Variants in GPHN observed in about 807,000 individuals in gnomAD.
The protein encoded by GPHN is gephyrin.
A neutral mutation model predicts 95.5 loss-of-function variants in GPHN; 17 were observed. The ratio of observed to expected loss-of-function variants is 0.18; its 90% confidence interval spans 0.12 to 0.27. The LOEUF (loss-of-function observed/expected upper bound fraction) is 0.27, where lower values mean the gene tolerates loss of function less well. Ranked by LOEUF, GPHN falls within the 10% of genes least tolerant of loss-of-function variation. The pLI, the probability that GPHN is intolerant of heterozygous loss-of-function variation, is 1.00. For synonymous variants in GPHN, 320 were observed against 322.5 expected, an observed-to-expected ratio of 0.99 and a Z score of 0.08; for missense variants, 660 against 978.1, an observed-to-expected ratio of 0.67 and a Z score of 4.34.
intron 9 of GPHN, among the ~76,000 whole-genome samples, chr14:67,011,846 A>ATATATATATT (rs1428533960): frequency 3.4e-4 from 52 of 152,178 alleles, no homozygotes; most frequent in Non-Finnish European, 7.2e-4. Context: ...ATATATATAT[A>ATATATATATT]TGATCACTTC....
chr14:66,645,474 G>T (rs1049258092), intron 1 of GPHN, among the ~76,000 whole-genome samples: 1 of 151,886 alleles, frequency 6.6e-6, no homozygotes. Context: ...ATTACCTGAG[G>T]TAAGGAGTTC....
At chr14:66,575,141 G>C (rs2060853795) in intron 1 of GPHN, among the ~76,000 whole-genome samples, 1 of 152,192 alleles carries the variant, frequency 6.6e-6, no homozygotes, top group African/African-American at 2.4e-5. Context: ...CAAAGCTTCT[G>C]TTTGTCTGAG....
chr14:66,882,972 C>A lies in GPHN; in HGVS notation c.389+2939C>A, dbSNP rs542562998. ...TCCTTATGTGTAATGGCAAATTTCTCTGGCTGCTTTGAAGATATTTTTTCT... is the reference window on the plus strand; with the variant it reads ...TCCTTATGTGTAATGGCAAATTTCTATGGCTGCTTTGAAGATATTTTTTCT... On this transcript the variant is annotated intron_variant, in intron 5 of 22. Transcript: ENST00000478722. Among the ~76,000 whole-genome samples the A allele has an allele frequency of 6.6e-5, 10 of 151,718 alleles. No individual in the cohort carries two copies. The South Asian group carries it at 1.5e-3, about 22-fold the overall frequency.
the GPHN span, chr14:67,660,214 T>G: frequency 9.2e-6 from 2 of 216,556 alleles, no homozygotes; most frequent in Admixed American, 1.1e-4. Context: ...CTCCATTTAA[T>G]CCTCACAACA....
intron 10 of GPHN, among the ~76,000 whole-genome samples, chr14:67,044,324 C>T (rs527535277): frequency 6.6e-6 from 1 of 152,024 alleles, no homozygotes; most frequent in East Asian, 1.9e-4. Flanking sequence ...GTGACAGAGA[C>T]AAGACTCTGT....
intron 4 of GPHN, among the ~76,000 whole-genome samples, chr14:66,864,634 A>G (rs886722865): frequency 3.3e-5 from 5 of 152,126 alleles, no homozygotes; most frequent in African/African-American, 1.2e-4. Context: ...TTAACCGGGC[A>G]TGGTGGCACA....
chr14:67,174,373 T>C (rs1160194007), intron 21 of GPHN, among the ~76,000 whole-genome samples: 1 of 152,158 alleles, frequency 6.6e-6, no homozygotes, highest in Non-Finnish European at 1.5e-5. Context: ...GAATGATGGT[T>C]TCCAGCTTAA....
At chr14:67,056,234 G>GT (rs1248015561) in intron 10 of GPHN, among the ~76,000 whole-genome samples, 1 of 152,026 alleles carries the variant, frequency 6.6e-6, no homozygotes, top group Non-Finnish European at 1.5e-5. Flanking sequence ...TGATTGGTGC[G>GT]TTTACAAACC....
At chr14:66,922,175 C>A (rs897060780) in intron 6 of GPHN, among the ~76,000 whole-genome samples, 44 of 151,712 alleles carry the variant, frequency 2.9e-4, no homozygotes, top group African/African-American at 1.1e-3. Context: ...ACCAAAAACC[C>A]GAAAGCAATT....
At position 66,700,322 on chromosome 14, in the gene GPHN, A is replaced by G. The variant is rs968188094; in HGVS notation, c.143+19137A>G. 2.0e-5 allele frequency among the ~76,000 whole-genome samples: 3 copies of G among 152,186 alleles called. No homozygotes were observed. The South Asian group carries it at 6.2e-4, about 31-fold the overall frequency. ...CGAATATTTTATTTTTGACACACAT[A>G]CTGGAATTTCTAAACTGTGTGAGAG... On this transcript the variant is annotated intron_variant, in intron 2 of 22. Coordinates refer to ENST00000478722, the MANE Select transcript of GPHN (RefSeq NM_020806.5).
At chr14:67,199,698 A>G in the GPHN span, 15 of 1,585,902 alleles carry the variant, frequency 9.5e-6, no homozygotes, top group African/African-American at 2.7e-5. Flanking sequence ...CTGTTTGCAG[A>G]TGCACCTCCT....
At chr14:67,234,130 T>TTA in the GPHN span, among the ~76,000 whole-genome samples, 41 of 152,358 alleles carry the variant, frequency 2.7e-4, no homozygotes, top group African/African-American at 9.1e-4. Context: ...GCTACTTTTA[T>TTA]TATACTCATT....
the GPHN span, among the ~76,000 whole-genome samples, chr14:67,224,263 T>C: frequency 1.3e-5 from 2 of 149,414 alleles, no homozygotes; most frequent in African/African-American, 2.5e-5. Context: ...TCTTTTCTTT[T>C]TTTTTTTTTT....
the GPHN span, among the ~76,000 whole-genome samples, chr14:67,568,423 C>T: frequency 6.6e-6 from 1 of 151,998 alleles, no homozygotes; most frequent in Admixed American, 6.6e-5. Context: ...GGGAGGGGAA[C>T]ATACTTAGTG....
intron 20 of GPHN, among the ~76,000 whole-genome samples, chr14:67,168,503 A>G (rs185945615): frequency 1.3e-5 from 2 of 152,246 alleles, no homozygotes; most frequent in East Asian, 1.9e-4. Context: ...AAGTTTCCTT[A>G]TGCTTATCTA....
the GPHN span, chr14:67,393,024 C>G: frequency 1.1e-6 from 1 of 905,410 alleles, no homozygotes; most frequent in Non-Finnish European, 1.8e-6. Context: ...ACATGGCCAT[C>G]TCAGGCTAGC....
the GPHN span, among the ~76,000 whole-genome samples, chr14:67,329,730 A>T: frequency 5.4e-3 from 821 of 152,154 alleles, 8 homozygotes; most frequent in African/African-American, 0.018. Context: ...AATACAAAAA[A>T]CATTAGCCAG....
chr14:67,193,362 A>AGAT, the GPHN span, among the ~76,000 whole-genome samples: 3 of 133,556 alleles, frequency 2.2e-5, no homozygotes, highest in Non-Finnish European at 3.3e-5. Flanking sequence ...AGAGATATAT[A>AGAT]ATCTATCTAT....
At chr14:67,328,890 A>G in the GPHN span, among the ~76,000 whole-genome samples, 3 of 152,128 alleles carry the variant, frequency 2.0e-5, no homozygotes, top group Non-Finnish European at 4.4e-5. Context: ...GCCTTGTAGT[A>G]TAGTTTGAAG....
Sources: allele counts gnomAD v4.1 joint callset (sites outside exome capture counted in the v4.1 genomes callset), GRCh38; gene constraint gnomAD v4.1.1; transcripts MANE v1.5; gene names NCBI Gene and HGNC (gene_info 2026-07-23, HGNC 2026-07-21).